CEP128: variants seen among roughly 807,000 people sequenced by gnomAD.
CEP128 encodes the protein centrosomal protein 128.
Under a neutral mutation model 156.7 loss-of-function variants are expected in CEP128, and 132 were observed. That is an observed-to-expected ratio of 0.84 (90% CI 0.73 to 0.97). The LOEUF is 0.97. Ranked by LOEUF, CEP128 falls within the 50% of genes least tolerant of loss-of-function variation. The pLI is 0.00. For synonymous variants in CEP128, 469 were observed against 448.9 expected (o/e 1.04, Z -0.57); for missense variants, 1,252 against 1,281.9 (o/e 0.98, Z 0.36).
intron 13 of CEP128, among the ~76,000 whole-genome samples, chr14:80,826,973 T>C (rs1393698162): frequency 6.6e-6 from 1 of 152,210 alleles, no homozygotes; most frequent in Non-Finnish European, 1.5e-5. Context: ...GTATTTTCTA[T>C]GCATATACAG....
intron 8 of CEP128, among the ~76,000 whole-genome samples, chr14:80,871,830 T>C (rs956618729): frequency 2.0e-5 from 3 of 152,088 alleles, no homozygotes; most frequent in African/African-American, 7.2e-5. Context: ...GAATAAAAAT[T>C]AGAATGGCTT....
At chr14:80,586,032 T>C (rs7350746) in intron 19 of CEP128, among the ~76,000 whole-genome samples, 47,751 of 152,002 alleles carry the variant, frequency 0.31, 9,248 homozygotes, top group Admixed American at 0.45. Flanking sequence ...TCTCTTTTTC[T>C]TCCTTAGCTA....
intron 13 of CEP128, among the ~76,000 whole-genome samples, chr14:80,809,112 AGAAG>A (rs1555350471): frequency 1.3e-5 from 2 of 152,188 alleles, no homozygotes; most frequent in Non-Finnish European, 2.9e-5. Context: ...AACAAATAAT[AGAAG>A]GAAGTCAGAA....
intron 15 of CEP128, among the ~76,000 whole-genome samples, chr14:80,780,309 A>G (rs1232633265): frequency 6.6e-6 from 1 of 152,172 alleles, no homozygotes; most frequent in Non-Finnish European, 1.5e-5. Flanking sequence ...ATCTCCTGTG[A>G]TGGCCTTTGC....
intron 16 of CEP128, among the ~76,000 whole-genome samples, chr14:80,777,333 T>C (rs1900849238): frequency 1.3e-5 from 2 of 152,330 alleles, no homozygotes; most frequent in East Asian, 3.9e-4. Context: ...ACTTCTGTTA[T>C]GTGAAGACAC....
intron 13 of CEP128, chr14:80,830,181 T>C (rs1355312793): frequency 8.9e-6 from 5 of 561,724 alleles, no homozygotes; most frequent in Non-Finnish European, 1.6e-5. Context: ...CAAGTAAGTC[T>C]TTATTAAACA....
intron 19 of CEP128, among the ~76,000 whole-genome samples, chr14:80,606,150 A>G (rs1421431769): frequency 6.6e-6 from 1 of 152,060 alleles, no homozygotes; most frequent in Non-Finnish European, 1.5e-5. Flanking sequence ...AATTTTTAAC[A>G]CTGATTACAA....
intron 19 of CEP128, among the ~76,000 whole-genome samples, chr14:80,672,025 C>T (rs1895863584): frequency 6.6e-6 from 1 of 152,016 alleles, no homozygotes; most frequent in African/African-American, 2.4e-5. Context: ...GAGATTTACA[C>T]CAAAGAGATG....
intron 2 of CEP128, among the ~76,000 whole-genome samples, chr14:80,928,566 GCTTT>G (rs1566721232): frequency 1.3e-5 from 2 of 152,010 alleles, no homozygotes; most frequent in Admixed American, 6.6e-5. Flanking sequence ...CGAAAACAAG[GCTTT>G]CTAAGTAACC....
chr14:80,767,383 T>C (rs1377297857), intron 16 of CEP128, among the ~76,000 whole-genome samples: 3 of 152,116 alleles, frequency 2.0e-5, no homozygotes, highest in African/African-American at 7.2e-5. Context: ...TTTTACGTAA[T>C]GGAGAGCTCC....
intron 19 of CEP128, among the ~76,000 whole-genome samples, chr14:80,653,940 G>A (rs1895022688): frequency 6.6e-6 from 1 of 152,230 alleles, no homozygotes; most frequent in Non-Finnish European, 1.5e-5. Flanking sequence ...TTTTGGGTCA[G>A]TCATAAATAT....
chr14:80,945,628 T>G (rs1356081774), upstream of CEP128: 4 of 152,196 alleles, frequency 2.6e-5, no homozygotes, highest in African/African-American at 9.7e-5. Context: ...ATCAGGCTCT[T>G]TATCCTTTGA....
intron 19 of CEP128, among the ~76,000 whole-genome samples, chr14:80,714,071 G>T (rs369285359): frequency 3.3e-5 from 5 of 152,210 alleles, no homozygotes; most frequent in African/African-American, 9.6e-5. Context: ...ATTTGGAGAA[G>T]ATAAATCTAC....
At chr14:80,838,650 C>T (rs1225785195) in intron 10 of CEP128, among the ~76,000 whole-genome samples, 16 of 151,964 alleles carry the variant, frequency 1.1e-4, no homozygotes, top group Admixed American at 1.0e-3. Context: ...AATTCTAAGG[C>T]AATTTTTTTC....
intron 19 of CEP128, among the ~76,000 whole-genome samples, chr14:80,625,592 G>A (rs1264090386): frequency 6.6e-6 from 1 of 152,032 alleles, no homozygotes; most frequent in Admixed American, 6.6e-5. Context: ...ATGAGCTTGG[G>A]ATGTCATTCC....
chr14:80,647,033 GCA>G (rs59434396), intron 19 of CEP128, among the ~76,000 whole-genome samples: 22,378 of 68,432 alleles, frequency 0.33, 5,047 homozygotes, highest in Middle Eastern at 0.43. Flanking sequence ...ATATATGTGT[GCA>G]TGTATATATA....
At chr14:80,920,618 T>C (rs2139527158) in intron 2 of CEP128, among the ~76,000 whole-genome samples, 1 of 152,342 alleles carries the variant, frequency 6.6e-6, no homozygotes, top group Admixed American at 6.5e-5. Context: ...TTACCTATTA[T>C]TTCATTCCAT....
At chr14:80,623,165 T>C (rs1171184529) in intron 19 of CEP128, among the ~76,000 whole-genome samples, 1 of 151,934 alleles carries the variant, frequency 6.6e-6, no homozygotes, top group Non-Finnish European at 1.5e-5. Flanking sequence ...TGTAGGGACA[T>C]GGATGAAATT....
chr14:80,919,078 G>A (rs1364120795), intron 2 of CEP128, among the ~76,000 whole-genome samples: 3 of 152,052 alleles, frequency 2.0e-5, no homozygotes, highest in Non-Finnish European at 2.9e-5. Flanking sequence ...AAGAAATCAG[G>A]CAGAATAAAA....
Sources: allele counts gnomAD v4.1 joint callset (sites outside exome capture counted in the v4.1 genomes callset), GRCh38; gene constraint gnomAD v4.1.1; transcripts MANE v1.5; gene names NCBI Gene and HGNC (gene_info 2026-07-23, HGNC 2026-07-21).